TTC8: variants seen among roughly 807,000 people sequenced by gnomAD.
TTC8 encodes tetratricopeptide repeat protein 8.
Under a neutral mutation model 72.5 loss-of-function variants are expected in TTC8, and 47 were observed. That is an observed-to-expected ratio of 0.65 (90% CI 0.51 to 0.83). The LOEUF (loss-of-function observed/expected upper bound fraction) is 0.83, where lower values mean the gene tolerates loss of function less well. TTC8 is among the 40% of genes least tolerant of loss of function. TTC8 has a pLI of 0.00. For missense variants in TTC8, 611 were observed against 623.2 expected (o/e 0.98, Z 0.21); for synonymous variants, 199 against 221.4 (o/e 0.90, Z 0.90).
intron 8 of TTC8, among the ~76,000 whole-genome samples, chr14:88,854,071 A>G (rs145887488): frequency 4.6e-5 from 7 of 152,288 alleles, no homozygotes; most frequent in Admixed American, 1.3e-4. Context: ...TTTCACATAA[A>G]ACTCTAAAGT....
At chr14:88,838,429 C>A (rs914842340) in intron 2 of TTC8, among the ~76,000 whole-genome samples, 1 of 152,160 alleles carries the variant, frequency 6.6e-6, no homozygotes, top group African/African-American at 2.4e-5. Context: ...CTGTTCCTTT[C>A]GCAGTCCCTT....
intron 9 of TTC8, among the ~76,000 whole-genome samples, chr14:88,859,379 A>G (rs1011890770): frequency 2.6e-5 from 4 of 152,184 alleles, no homozygotes; most frequent in Non-Finnish European, 5.9e-5. Flanking sequence ...ACATGGATGG[A>G]GCTGGAGGCC....
chr14:88,824,626 C>A, upstream of TTC8: 1 of 1,189,582 alleles, frequency 8.4e-7, no homozygotes, highest in Non-Finnish European at 1.2e-6. Context: ...GGTTGCCGGG[C>A]AGAGTCGGAC....
rs890238946 is a variant in TTC8, at chr14:88,824,695, C to G, written c.-13C>G. ...CCTGGAGCGCTGGGCCTTCGCTGGC[C>G]GCACCGGCAGCCATGAGCTCGGAGA... On this transcript the variant is annotated 5_prime_UTR_variant, in exon 1 of 15. Transcript: ENST00000380656. 3.1e-6 allele frequency: 5 copies of G among 1,591,270 alleles called. No homozygotes were observed. The highest frequency in any genetic ancestry group is 2.7e-5 in the African/African-American group (2 of 74,506).
intron 2 of TTC8, among the ~76,000 whole-genome samples, chr14:88,834,269 A>G (rs1245453881): frequency 5.9e-5 from 9 of 152,206 alleles, no homozygotes; most frequent in African/African-American, 2.2e-4. Context: ...GAGCCTTGCT[A>G]ACTGGATAAA....
chr14:88,867,211 C>CAAG (rs2094913838), intron 10 of TTC8, among the ~76,000 whole-genome samples: 1 of 152,010 alleles, frequency 6.6e-6, no homozygotes, highest in Admixed American at 6.6e-5. Flanking sequence ...TATTTTCATA[C>CAAG]AAGTGCACAA....
chr14:88,839,254 A>G (rs2094767969), intron 2 of TTC8, among the ~76,000 whole-genome samples, 198 bp from the exon 3 acceptor site: 1 of 152,066 alleles, frequency 6.6e-6, no homozygotes, highest in African/African-American at 2.4e-5. Context: ...TAATTGATAC[A>G]TTGGTTGTTT....
Position 88,877,294 on chromosome 14 carries a change from A to T in TTC8, c.1432A>T (p.Ile478Phe), listed in dbSNP as rs753441040. 4 of 1,612,376 alleles carry T rather than the reference A, an allele frequency of 2.5e-6. No homozygotes were observed. Among genetic ancestry groups the T allele is most frequent in the Non-Finnish European group, 3.4e-6 (4 of 1,179,018 alleles). The change falls in exon 15 of 15, where the codon ATT becomes TTT. Residue 478 changes from isoleucine to phenylalanine, a missense_variant and splice_region_variant. Ile to Phe is a conservative substitution (Grantham distance 21). Coordinates refer to ENST00000380656, the MANE Select transcript of TTC8 (RefSeq NM_144596.4). The part of the protein sequence containing the change: ...HFNFATISDK[I>F]GDLQRSYVAA... ...GGTCTTATTCTTGTATTTTTTGCAGATTGGAGATCTGCAGAGAAGCTATGT... is the reference window on the plus strand; with the variant it reads ...GGTCTTATTCTTGTATTTTTTGCAGTTTGGAGATCTGCAGAGAAGCTATGT...
chr14:88,824,585 G>A (rs1289172645), upstream of TTC8: 2 of 702,844 alleles, frequency 2.8e-6, no homozygotes, highest in Middle Eastern at 3.9e-4. Context: ...CGCGCTGCGG[G>A]CACCTCTCGG....
At chr14:88,853,132 G>C in intron 8 of TTC8, 76 bp downstream of exon 8, 1 of 1,060,212 alleles carries the variant, frequency 9.4e-7, no homozygotes, top group Non-Finnish European at 1.5e-6. Flanking sequence ...TTTTTGAGGG[G>C]GGGGAGATTT....
intron 3 of TTC8, 117 bp downstream of exon 3, chr14:88,839,689 A>AAATAGC: frequency 8.3e-7 from 1 of 1,205,102 alleles, no homozygotes; most frequent in Non-Finnish European, 1.2e-6. Flanking sequence ...AACATTATAG[A>AAATAGC]CATGAAACAA....
At chr14:88,858,872 A>G (rs12885528) in intron 9 of TTC8, among the ~76,000 whole-genome samples, 56,357 of 149,750 alleles carry the variant, frequency 0.38, 10,737 homozygotes, top group African/African-American at 0.41. Flanking sequence ...AAAGTGCTAG[A>G]ATTACAGGTG....
intron 7 of TTC8, among the ~76,000 whole-genome samples, chr14:88,848,195 C>G (rs1408538222): frequency 6.7e-6 from 1 of 149,536 alleles, no homozygotes; most frequent in African/African-American, 2.5e-5. Flanking sequence ...AGAAATGACC[C>G]CAAAACAGAA....
chr14:88,850,638 T>C (rs1457919752), intron 7 of TTC8, among the ~76,000 whole-genome samples: 1 of 152,090 alleles, frequency 6.6e-6, no homozygotes, highest in Non-Finnish European at 1.5e-5. Flanking sequence ...GGAGTCGAGA[T>C]TGTGCCACTG....
At chr14:88,872,193 C>T (rs1312365315) in intron 12 of TTC8, 137 bp from the exon 13 acceptor site, 27 of 1,265,872 alleles carry the variant, frequency 2.1e-5, no homozygotes, top group East Asian at 7.6e-5. Context: ...AATCCACTTA[C>T]GTAGAATTCA....
intron 10 of TTC8, among the ~76,000 whole-genome samples, chr14:88,863,644 A>G (rs2094897968): frequency 6.6e-6 from 1 of 152,248 alleles, no homozygotes; most frequent in African/African-American, 2.4e-5. Flanking sequence ...ATATCAATGT[A>G]GAGAACCAGC....
chr14:88,825,032 A>G (rs2140944780), intron 1 of TTC8, among the ~76,000 whole-genome samples: 1 of 152,308 alleles, frequency 6.6e-6, no homozygotes, highest in Admixed American at 6.5e-5. Context: ...GTTCTGTGCC[A>G]TGACCGCCCC....
Position 88,839,445 on chromosome 14 carries a change from G to A in TTC8, c.145-7G>A, listed in dbSNP as rs368220069. On this transcript the variant is annotated splice_region_variant and splice_polypyrimidine_tract_variant and intron_variant, in intron 2 of 14. Transcript: ENST00000380656. ...TAATATATGTTTTATTTATCCATGG[G>A]TTTTAGGCAGCTTGGATCTTAAAAG... The A allele has an allele frequency of 4.8e-5, 78 of 1,612,754 alleles. No individual in the cohort carries two copies. In the East Asian group the frequency reaches 1.5e-3, roughly 31 times the overall value.
At chr14:88,864,520 C>G (rs573766121) in intron 10 of TTC8, among the ~76,000 whole-genome samples, 1 of 152,186 alleles carries the variant, frequency 6.6e-6, no homozygotes, top group Non-Finnish European at 1.5e-5. Flanking sequence ...GGGAAGAATT[C>G]CTTCCAAGCC....
Sources: gnomAD v4.1 joint callset for allele counts (sites outside exome capture counted in the v4.1 genomes callset) on GRCh38, gnomAD v4.1.1 for gene constraint, MANE v1.5 for transcripts, NCBI Gene and HGNC (gene_info 2026-07-23, HGNC 2026-07-21) for gene names.